Variants in REV3L observed in about 807,000 individuals in gnomAD.
REV3L encodes the protein DNA polymerase zeta catalytic subunit.
Under a neutral mutation model 299.4 loss-of-function variants are expected in REV3L, and 69 were observed. The observed-to-expected ratio is 0.23, with a 90% confidence interval of 0.19 to 0.28. The LOEUF (loss-of-function observed/expected upper bound fraction) is 0.28. Among genes scored for constraint, REV3L ranks in the 10% least tolerant of loss-of-function variants. The pLI, the probability that REV3L is intolerant of heterozygous loss-of-function variation, is 1.00. For synonymous variants in REV3L, 1,238 were observed against 1,271.4 expected, an observed-to-expected ratio of 0.97 and a Z score of 0.56; for missense variants, 3,128 against 3,693.8, an observed-to-expected ratio of 0.85 and a Z score of 3.97.
intron 5 of REV3L, among the ~76,000 whole-genome samples, chr6:111,391,976 G>A (rs572981695): frequency 2.0e-5 from 3 of 152,268 alleles, no homozygotes; most frequent in Admixed American, 2.0e-4. Context: ...GCAACAGCGT[G>A]AGACCTTGTC....
intron 9 of REV3L, among the ~76,000 whole-genome samples, chr6:111,386,310 C>G (rs1481201007): frequency 6.6e-6 from 1 of 152,062 alleles, no homozygotes; most frequent in East Asian, 1.9e-4. Flanking sequence ...AATGAATGAA[C>G]AAGGATAAAT....
intron 18 of REV3L, among the ~76,000 whole-genome samples, chr6:111,355,442 T>C (rs1777992203): frequency 6.6e-6 from 1 of 152,146 alleles, no homozygotes; most frequent in African/African-American, 2.4e-5. Flanking sequence ...GGTGAAAGAA[T>C]GAAATAATCA....
At chr6:111,366,979 T>C in intron 14 of REV3L, 136 bp downstream of exon 14, 1 of 661,860 alleles carries the variant, frequency 1.5e-6, no homozygotes, top group East Asian at 3.1e-5. Flanking sequence ...GTGACGACTT[T>C]CTAAGACATG....
In REV3L at chr6:111,374,164, G is replaced by A. The variant is rs772865359; in HGVS notation, c.4191C>T (p.Ile1397=). 65 of 1,613,860 alleles carry A rather than the reference G, an allele frequency of 4.0e-5. No individual in the cohort carries two copies. In the Middle Eastern group the frequency reaches 6.6e-4, roughly 16 times the overall value. Residue 1397 remains isoleucine, a synonymous_variant, in exon 13 of 32, where the codon ATC becomes ATT. Transcript: ENST00000368802. ...NNIQRNYLSS[I]GKLSEYRNSL... ...AATTGCGATATTCACTTAACTTTCC[G>A]ATTGATGACAAATAGTTTCTTTGTA...
intron 1 of REV3L, among the ~76,000 whole-genome samples, chr6:111,438,769 T>C (rs568131191): frequency 2.3e-4 from 35 of 152,188 alleles, no homozygotes; most frequent in Non-Finnish European, 4.0e-4. Flanking sequence ...TGAGTTCTAC[T>C]AAGCATACAG....
At position 111,344,008 on chromosome 6, in the gene REV3L, G is replaced by A. The variant is rs779567326; in HGVS notation, c.7455C>T (p.Ser2485=). ...ALTNYTFENV[S]FHVLHQRFPL... is the part of the protein sequence containing the mutation. ...GAAAACGCTGATGAAGAACATGAAAGCTCACATTTTCAAAGGTGTAGTTAG... is the reference window on the plus strand; with the variant it reads ...GAAAACGCTGATGAAGAACATGAAAACTCACATTTTCAAAGGTGTAGTTAG... Residue 2485 remains serine (S), a synonymous_variant, in exon 21 of 32, where the codon AGC becomes AGT. Transcript: ENST00000368802. 5 of 1,611,658 alleles carry A rather than the reference G, an allele frequency of 3.1e-6. No individual in the cohort carries two copies. In the Admixed American group the frequency reaches 6.7e-5, roughly 22 times the overall value.
chr6:111,364,347 A>C (rs1274860174), intron 15 of REV3L, among the ~76,000 whole-genome samples: 1 of 152,132 alleles, frequency 6.6e-6, no homozygotes, highest in Non-Finnish European at 1.5e-5. Flanking sequence ...TACTTTGGCT[A>C]AAGTTTGTAA....
rs751002803 is a variant in REV3L at position 111,373,724 on chromosome 6, G to C, written c.4631C>G (p.Ala1544Gly). The change falls in exon 13 of 32, where the codon GCA (alanine) becomes GGA (glycine). Residue 1544 changes from alanine (A) to glycine (G), a missense_variant. Physicochemically the swap from Ala to Gly is moderately conservative, Grantham distance 60 (BLOSUM62 0). Transcript: ENST00000368802. Reference sequence around the variant, plus strand: ...GGATAATGGGTCTTGTGTAGTATTTGCATTTTGTGCTTTCTGCTGTCTTTT... The same window carrying C: ...GGATAATGGGTCTTGTGTAGTATTTCCATTTTGTGCTTTCTGCTGTCTTTT... ...LQKRQQKAQN[A>G]NTTQDPLSNK... 10 of 1,613,820 alleles carry C rather than the reference G, an allele frequency of 6.2e-6. No individual in the cohort carries two copies. In the Admixed American group the frequency reaches 6.7e-5, roughly 11 times the overall value.
At chr6:111,310,988 TG>T in intron 29 of REV3L, 80 bp downstream of exon 29, 1 of 1,128,432 alleles carries the variant, frequency 8.9e-7, no homozygotes, top group Non-Finnish European at 1.2e-6. Context: ...TCTGTGTCTA[TG>T]GACTGTCTTT....
Position 111,452,111 on chromosome 6 carries a change from C to G in REV3L, c.139+30639G>C, listed in dbSNP as rs555952369. ...GCAAATATGCACACTAAAAGATGTT[C>G]AGATTCTTAGACCTTAGGGAAATGA... On this transcript the variant is annotated intron_variant, in intron 1 of 31. Transcript: ENST00000368802. Among the ~76,000 whole-genome samples the G allele has an allele frequency of 9.2e-5, 14 of 152,202 alleles. No homozygotes were observed. In the East Asian group the frequency reaches 2.7e-3, roughly 29 times the overall value.
At chr6:111,434,476 G>A (rs1338160907) in intron 1 of REV3L, among the ~76,000 whole-genome samples, 1 of 151,968 alleles carries the variant, frequency 6.6e-6, no homozygotes, top group Non-Finnish European at 1.5e-5. Flanking sequence ...AAAATTAGCT[G>A]GGCATGCTGG....
intron 4 of REV3L, among the ~76,000 whole-genome samples, chr6:111,398,322 A>G (rs1782737845): frequency 6.6e-6 from 1 of 151,868 alleles, no homozygotes; most frequent in Admixed American, 6.6e-5. Flanking sequence ...AGAAATACAT[A>G]CTCAGTTGAA....
chr6:111,375,959 A>G lies in REV3L; in HGVS notation c.2396T>C (p.Phe799Ser), dbSNP rs1780263114. ...LSQQAAHYMF[F>S]PSVVLSNCLT... ...ACAGTTAGAAAGAACAACACTGGGA[A>G]AAAACATATAGTGTGCTGCTTGCTG... is the stretch of plus-strand genomic sequence containing the variant. Residue 799 changes from phenylalanine to serine, a missense_variant, in exon 13 of 32, where the codon TTT (phenylalanine) becomes TCT (serine). Physicochemically the swap from Phe to Ser is radical, Grantham distance 155 (BLOSUM62 -2). Coordinates refer to ENST00000368802, the MANE Select transcript of REV3L (RefSeq NM_001372078.1). 1 of 1,613,944 alleles carries G rather than the reference A, an allele frequency of 6.2e-7. No homozygotes were observed. The highest frequency in any genetic ancestry group is 2.2e-5 in the East Asian group (1 of 44,868).
chr6:111,307,480 A>T lies in REV3L; in HGVS notation c.9133T>A (p.Cys3045Ser), dbSNP rs1445238101. The T allele has an allele frequency of 6.2e-7, 1 of 1,614,104 alleles. No individual in the cohort carries two copies. Among genetic ancestry groups the T allele is most frequent in the Non-Finnish European group, 8.5e-7 (1 of 1,180,044 alleles). ...QYFTTLHCPV[C>S]DDLTQHGICS... ...ATGCCATGCTGAGTTAGGTCATCAC[A>T]CACAGGACAGTGTAAGGTAGTAAAA... The change falls in exon 31 of 32, where the codon TGT (cysteine) becomes AGT (serine). Residue 3045 changes from cysteine (C) to serine (S), a missense_variant. Coordinates refer to ENST00000368802, the MANE Select transcript of REV3L (RefSeq NM_001372078.1).
At chr6:111,440,786 G>C (rs1788174072) in intron 1 of REV3L, among the ~76,000 whole-genome samples, 1 of 152,066 alleles carries the variant, frequency 6.6e-6, no homozygotes, top group South Asian at 2.1e-4. Context: ...TTTCTTACTG[G>C]CAACAGATTC....
chr6:111,388,627 G>A (rs1781584230), intron 7 of REV3L, among the ~76,000 whole-genome samples: 2 of 152,114 alleles, frequency 1.3e-5, no homozygotes, highest in African/African-American at 4.8e-5. Context: ...GCACCATTTA[G>A]CAATAAATGT....
intron 31 of REV3L, among the ~76,000 whole-genome samples, chr6:111,305,224 G>A (rs1044158820): frequency 7.9e-5 from 12 of 152,256 alleles, no homozygotes; most frequent in Admixed American, 5.2e-4. Flanking sequence ...TTGTAGGCAT[G>A]AGCCACCACG....
chr6:111,444,897 G>C (rs983490050), intron 1 of REV3L, among the ~76,000 whole-genome samples: 2 of 152,218 alleles, frequency 1.3e-5, no homozygotes, highest in African/African-American at 4.8e-5. Context: ...AACTGGCAAA[G>C]AGAACTGAAT....
At chr6:111,324,396 G>A (rs17511349) in intron 25 of REV3L, among the ~76,000 whole-genome samples, 2,687 of 152,276 alleles carry the variant, frequency 0.018, 34 homozygotes, top group Non-Finnish European at 0.028. Context: ...CAAAAATCAT[G>A]TTATCTAATG....
Sources: allele counts gnomAD v4.1 joint callset (sites outside exome capture counted in the v4.1 genomes callset), GRCh38; gene constraint gnomAD v4.1.1; transcripts MANE v1.5; gene names NCBI Gene and HGNC (gene_info 2026-07-23, HGNC 2026-07-21).